The following PIR variants were observed in gnomAD, a reference collection of about 807,000 sequenced individuals.
PIR encodes the protein pirin (iron-binding nuclear protein).
Under a neutral mutation model 24.2 loss-of-function variants are expected in PIR, and 22 were observed. That is an observed-to-expected ratio of 0.91 (90% CI 0.65 to 1.30). The LOEUF is 1.30. Among genes scored for constraint, PIR ranks in the 50% most tolerant of loss-of-function variants. PIR has a pLI of 0.00. For synonymous variants in PIR, 80 were observed against 79.6 expected (o/e 1.00, Z -0.03); for missense variants, 220 against 220.3 (o/e 1.00, Z 0.01).
intron 2 of PIR, among the ~76,000 whole-genome samples, chrX:15,483,057 A>G (rs978274102): frequency 9.2e-6 from 1 of 109,169 alleles, no homozygotes; most frequent in East Asian, 2.8e-4. Flanking sequence ...ACTCTGTCAT[A>G]TTACTAGAAA....
Position 15,459,696 on chromosome X carries a change from G to A in PIR, c.234C>T (p.Phe78=), listed in dbSNP as rs1340715074. Reference sequence around the variant, plus strand: ...GGTTCATTTTACCAGTGTGTCCACAGAAGTCTTCATGGGCCATGCTGCCCC... The same window carrying A: ...GGTTCATTTTACCAGTGTGTCCACAAAAGTCTTCATGGGCCATGCTGCCCC... ...LEGGSMAHED[F]CGHTGKMNPG... The change falls in exon 4 of 10, where the codon TTC becomes TTT. Residue 78 remains phenylalanine, a synonymous_variant. Transcript: ENST00000380420. 1.0e-5 allele frequency: 12 copies of A among 1,198,419 alleles called. No individual in the cohort carries two copies. Among genetic ancestry groups the A allele is most frequent in the Non-Finnish European group, 1.4e-5 (12 of 885,032 alleles).
chrX:15,447,383 C>T (rs773710770), intron 5 of PIR, among the ~76,000 whole-genome samples: 44 of 110,520 alleles, frequency 4.0e-4, no homozygotes, highest in African/African-American at 1.3e-3. Flanking sequence ...GGCATGATCT[C>T]GGCTCACTGC....
intron 5 of PIR, among the ~76,000 whole-genome samples, chrX:15,454,929 G>T (rs1921025215): frequency 8.9e-6 from 1 of 112,418 alleles, no homozygotes; most frequent in Non-Finnish European, 1.9e-5. Context: ...CATCTCTGAG[G>T]CACGTTGATC....
intron 2 of PIR, among the ~76,000 whole-genome samples, chrX:15,490,504 C>T (rs1409954599): frequency 4.5e-5 from 5 of 111,927 alleles, no homozygotes; most frequent in African/African-American, 6.5e-5. Context: ...TGACCACCAT[C>T]TGATACCTTT....
chrX:15,415,642 C>A (rs191475074), intron 6 of PIR, among the ~76,000 whole-genome samples: 4 of 111,464 alleles, frequency 3.6e-5, no homozygotes, highest in African/African-American at 1.3e-4. Flanking sequence ...GTTCTTATCA[C>A]AAAAATGATA....
At chrX:15,439,992 CTCTCTCTCTCTG>C (rs1925863518) in intron 5 of PIR, among the ~76,000 whole-genome samples, 1 of 111,764 alleles carries the variant, frequency 8.9e-6, no homozygotes, top group Admixed American at 9.5e-5. Flanking sequence ...ATTTCTCTCT[CTCTCTCTCTCTG>C]TCTCTCTGGC....
At chrX:15,390,155 C>A in intron 9 of PIR, 30 bp downstream of exon 9, 1 of 912,661 alleles carries the variant, frequency 1.1e-6, no homozygotes, top group Non-Finnish European at 1.5e-6. Context: ...GGAAAATCAA[C>A]CAAGAAAATC....
intron 2 of PIR, among the ~76,000 whole-genome samples, chrX:15,485,807 T>G (rs1421490413): frequency 8.9e-6 from 1 of 112,340 alleles, no homozygotes; most frequent in Non-Finnish European, 1.9e-5. Context: ...CTCTAAACAT[T>G]TAGCAGGAAT....
In PIR at chrX:15,456,180, T is replaced by C. The variant is rs1921078562; in HGVS notation, c.274-126A>G. ...GTGCTGCTATCAGAGCCCCTGGGCA[T>C]CGAGGGGAATAATAAACATCAGTGA... On this transcript the variant is annotated intron_variant, in intron 4 of 9. Coordinates refer to ENST00000380420, the MANE Select transcript of PIR (RefSeq NM_001018109.3). 2.0e-5 allele frequency: 11 copies of C among 563,406 alleles called. No homozygotes were observed. In the East Asian group the frequency reaches 3.3e-4, roughly 17 times the overall value. 46.4% of individuals were successfully genotyped at this position (563,406 alleles called of 1,213,427 possible).
At position 15,384,970 on chromosome X, in the gene PIR, T is replaced by G; in HGVS notation, c.*34A>C. The G allele has an allele frequency of 1.3e-6, 1 of 798,946 alleles. No individual in the cohort carries two copies. The highest frequency in any genetic ancestry group is 1.9e-6 in the Non-Finnish European group (1 of 526,573). The allele number at this position is 798,946 out of a possible 1,213,427, so 65.8% of individuals were successfully genotyped here. On this transcript the variant is annotated 3_prime_UTR_variant, in exon 10 of 10. Coordinates refer to ENST00000380420, the MANE Select transcript of PIR (RefSeq NM_001018109.3). Reference sequence around the variant, plus strand: ...CTCAATCTCAGAAATGGCAAAATTCTAGGACACATCAAGACCTGCTCTTCC... The same window carrying G: ...CTCAATCTCAGAAATGGCAAAATTCGAGGACACATCAAGACCTGCTCTTCC...
chrX:15,428,166 A>G (rs961270302), intron 5 of PIR, among the ~76,000 whole-genome samples: 3 of 111,253 alleles, frequency 2.7e-5, no homozygotes, highest in African/African-American at 9.8e-5. Flanking sequence ...ATGAAACCAG[A>G]AAGACCTGTG....
rs572791175 is a variant in PIR at position 15,419,119 on chromosome X, G to A, written c.565+6787C>T. Among the ~76,000 whole-genome samples, 14 of 109,000 alleles carry A rather than the reference G, an allele frequency of 1.3e-4. No homozygotes were observed. In the South Asian group the frequency reaches 5.6e-3, roughly 43 times the overall value. The allele number at this position is 109,000 out of a possible 115,157, so 94.7% of individuals were successfully genotyped here. ...TTATGATGGAATTTGACCTGGAAAG[G>A]TGGAAAAAAAAAAAAGACAAATGGT... On this transcript the variant is annotated intron_variant, in intron 6 of 9. Transcript: ENST00000380420.
chrX:15,442,931 A>T (rs1257526810), intron 5 of PIR, among the ~76,000 whole-genome samples: 1 of 112,782 alleles, frequency 8.9e-6, no homozygotes, highest in Non-Finnish European at 1.9e-5. Flanking sequence ...TATCCAGAAG[A>T]TCCAGCTAAG....
intron 3 of PIR, among the ~76,000 whole-genome samples, chrX:15,463,185 A>C (rs1040267364): frequency 1.8e-5 from 2 of 108,798 alleles, no homozygotes; most frequent in African/African-American, 6.6e-5. Flanking sequence ...TTTCAGGTGC[A>C]GTATTCAGAA....
chrX:15,473,490 TATAG>T (rs1373618791), intron 3 of PIR, among the ~76,000 whole-genome samples: 2 of 112,668 alleles, frequency 1.8e-5, no homozygotes, highest in Non-Finnish European at 3.7e-5. Context: ...ATAATTTTCT[TATAG>T]ATAATTTCTA....
chrX:15,428,435 C>G (rs996873079), intron 5 of PIR, among the ~76,000 whole-genome samples: 1 of 111,854 alleles, frequency 8.9e-6, no homozygotes, highest in Admixed American at 9.5e-5. Context: ...AGATAAAGAT[C>G]CCTGTTTGGT....
intron 3 of PIR, among the ~76,000 whole-genome samples, chrX:15,475,229 C>T (rs750810585): frequency 2.7e-5 from 3 of 111,162 alleles, no homozygotes; most frequent in Non-Finnish European, 5.7e-5. Context: ...CAAACACTGT[C>T]GGCTACCAAC....
At chrX:15,415,931 T>TTTAAGGCA (rs1456210059) in intron 6 of PIR, among the ~76,000 whole-genome samples, 1 of 110,320 alleles carries the variant, frequency 9.1e-6, no homozygotes, top group Non-Finnish European at 1.9e-5. Flanking sequence ...AATTGATACA[T>TTTAAGGCA]TTAAGGCATT....
intron 8 of PIR, among the ~76,000 whole-genome samples, 160 bp from the exon 9 acceptor site, chrX:15,390,411 T>C (rs1268771925): frequency 4.5e-5 from 5 of 111,800 alleles, no homozygotes; most frequent in African/African-American, 1.3e-4. Context: ...TATAGACATG[T>C]TTATTTCTTA....
Sources: allele counts gnomAD v4.1 joint callset (sites outside exome capture counted in the v4.1 genomes callset), GRCh38; gene constraint gnomAD v4.1.1; transcripts MANE v1.5; gene names NCBI Gene and HGNC (gene_info 2026-07-23, HGNC 2026-07-21).